The following BLTP3B variants were observed in gnomAD, a reference collection of about 807,000 sequenced individuals.
BLTP3B encodes bridge-like lipid transfer protein family member 3B.
At chr12:100,132,000 C>T in the BLTP3B span, among the ~76,000 whole-genome samples, 2 of 152,158 alleles carry the variant, frequency 1.3e-5, no homozygotes. Context: ...CCATATTGGC[C>T]AGGCTGGTCT....
chr12:100,039,921 GAAC>G, the BLTP3B span: 2 of 687,952 alleles, frequency 2.9e-6, no homozygotes, highest in Admixed American at 4.1e-5. Flanking sequence ...GTATGAGATA[GAAC>G]AACCAGTAAA....
chr12:100,085,660 T>C, the BLTP3B span, among the ~76,000 whole-genome samples: 2 of 152,184 alleles, frequency 1.3e-5, no homozygotes, highest in Non-Finnish European at 2.9e-5. Flanking sequence ...AACTCTATGA[T>C]CTCTAGTTTG....
chr12:100,044,565 T>TA, the BLTP3B span, among the ~76,000 whole-genome samples: 1 of 152,128 alleles, frequency 6.6e-6, no homozygotes, highest in Non-Finnish European at 1.5e-5. Flanking sequence ...AAACTTTTGT[T>TA]AGAGTGGAGA....
chr12:100,098,285 T>C, the BLTP3B span: 1 of 1,482,758 alleles, frequency 6.7e-7, no homozygotes, highest in Non-Finnish European at 9.0e-7. Flanking sequence ...GAGATGTGAT[T>C]TTTTTAATCG....
chr12:100,094,056 C>T, the BLTP3B span, among the ~76,000 whole-genome samples: 3 of 152,186 alleles, frequency 2.0e-5, no homozygotes, highest in Non-Finnish European at 4.4e-5. Flanking sequence ...CTACACAGAA[C>T]CCTTTCCCTT....
the BLTP3B span, chr12:100,108,434 T>C: frequency 1.2e-6 from 2 of 1,613,410 alleles, no homozygotes; most frequent in Admixed American, 1.7e-5. Flanking sequence ...CAAGCCATGT[T>C]GGCAAATCCA....
At chr12:100,067,498 AG>A in the BLTP3B span, among the ~76,000 whole-genome samples, 1 of 152,186 alleles carries the variant, frequency 6.6e-6, no homozygotes, top group Non-Finnish European at 1.5e-5. Context: ...GAAACAAAAC[AG>A]GAGATACTAC....
chr12:100,059,933 G>C, the BLTP3B span: 1 of 1,612,662 alleles, frequency 6.2e-7, no homozygotes, highest in Admixed American at 1.7e-5. Context: ...GCCATGAACT[G>C]ATTAAGACTC....
the BLTP3B span, among the ~76,000 whole-genome samples, chr12:100,041,429 C>CTTTTTTTT: frequency 9.8e-6 from 1 of 101,812 alleles, no homozygotes; most frequent in African/African-American, 4.7e-5. Flanking sequence ...GCTATTGTTA[C>CTTTTTTTT]TTTTTTTTTT....
chr12:100,125,334 T>C, the BLTP3B span, among the ~76,000 whole-genome samples: 3 of 71,348 alleles, frequency 4.2e-5, no homozygotes, highest in South Asian at 4.0e-4. Context: ...GGTTTCCATC[T>C]CAAAAAAAAA....
chr12:100,046,492 C>T, the BLTP3B span, among the ~76,000 whole-genome samples: 5 of 151,104 alleles, frequency 3.3e-5, no homozygotes, highest in Non-Finnish European at 7.4e-5. Flanking sequence ...AACTGTATAC[C>T]GCATGTTCTC....
chr12:100,090,835 A>G, the BLTP3B span, among the ~76,000 whole-genome samples: 257 of 152,270 alleles, frequency 1.7e-3, 1 homozygote, highest in South Asian at 3.9e-3. Context: ...TGATGGTGCT[A>G]TTTAAAATAC....
the BLTP3B span, among the ~76,000 whole-genome samples, chr12:100,080,528 A>G: frequency 6.6e-6 from 1 of 152,162 alleles, no homozygotes; most frequent in Admixed American, 6.5e-5. Context: ...TTAAGATTTG[A>G]CTGTCCTGCT....
At chr12:100,100,878 C>A in the BLTP3B span, among the ~76,000 whole-genome samples, 1 of 151,782 alleles carries the variant, frequency 6.6e-6, no homozygotes, top group Non-Finnish European at 1.5e-5. Flanking sequence ...TACAATCAGG[C>A]AAGTCTGAAA....
the BLTP3B span, chr12:100,051,959 C>T: frequency 1.3e-5 from 2 of 151,992 alleles, no homozygotes; most frequent in African/African-American, 4.8e-5. Context: ...AGGCAGAGGA[C>T]CACTTGAGCC....
the BLTP3B span, among the ~76,000 whole-genome samples, chr12:100,048,771 A>AGTGTGTGTGTGTGTGT: frequency 4.3e-5 from 5 of 115,024 alleles, no homozygotes; most frequent in African/African-American, 1.7e-4. Context: ...AGTGAGAGTG[A>AGTGTGTGTGTGTGTGT]GTGTGTGTGT....
At chr12:100,083,910 C>T in the BLTP3B span, among the ~76,000 whole-genome samples, 2 of 152,140 alleles carry the variant, frequency 1.3e-5, no homozygotes, top group Non-Finnish European at 2.9e-5. Flanking sequence ...TGGCTTAGGC[C>T]GGGCGTGGTG....
At chr12:100,064,985 G>A in the BLTP3B span, among the ~76,000 whole-genome samples, 21 of 151,612 alleles carry the variant, frequency 1.4e-4, 1 homozygote, top group South Asian at 1.0e-3. Flanking sequence ...AATGTAAGTG[G>A]CCTAAATGCT....
the BLTP3B span, among the ~76,000 whole-genome samples, chr12:100,092,103 G>A: frequency 6.6e-6 from 1 of 152,102 alleles, no homozygotes; most frequent in East Asian, 1.9e-4. Context: ...TGGCCCCTAT[G>A]AATAATGTTA....
Sources: gnomAD v4.1 joint callset for allele counts (sites outside exome capture counted in the v4.1 genomes callset) on GRCh38, gnomAD v4.1.1 for gene constraint, MANE v1.5 for transcripts, NCBI Gene and HGNC (gene_info 2026-07-23, HGNC 2026-07-21) for gene names.